Variants in AMN1 observed in about 807,000 individuals in gnomAD.
AMN1 encodes the protein antagonist of mitotic exit network 1 homolog.
A neutral mutation model predicts 33.0 loss-of-function variants in AMN1; 20 were observed. The observed-to-expected ratio is 0.61, with a 90% CI of 0.43 to 0.88. AMN1 has a LOEUF of 0.88. AMN1 is among the 40% of genes least tolerant of loss of function. The pLI is 0.00. For missense variants in AMN1, 246 were observed against 307.4 expected, an observed-to-expected ratio of 0.80 and a Z score of 1.49; for synonymous variants, 114 against 111.9, an observed-to-expected ratio of 1.02 and a Z score of -0.12.
chr12:31,697,423 C>G lies in AMN1; in HGVS notation c.535-6G>C, dbSNP rs1216281945. The G allele has an allele frequency of 6.2e-7, 1 of 1,611,756 alleles. No individual in the cohort carries two copies. The highest frequency in any genetic ancestry group is 8.5e-7 in the Non-Finnish European group (1 of 1,178,986). Reference sequence around the variant, plus strand: ...ATCACACCACTGTCAGATACCTAAGCAAAGGGAAAAAGAAACACAGTCCAT... The same window carrying G: ...ATCACACCACTGTCAGATACCTAAGGAAAGGGAAAAAGAAACACAGTCCAT... On this transcript the variant is annotated splice_region_variant and splice_polypyrimidine_tract_variant and intron_variant, in intron 4 of 6. Transcript: ENST00000281471.
intron 1 of AMN1, among the ~76,000 whole-genome samples, chr12:31,717,028 T>G (rs1361839990): frequency 6.6e-6 from 1 of 152,192 alleles, no homozygotes; most frequent in Non-Finnish European, 1.5e-5. Flanking sequence ...TTTTACATTT[T>G]TATTTAAGTT....
Position 31,707,658 on chromosome 12 carries a change from T to C in AMN1, c.171+1635A>G, listed in dbSNP as rs536399003. 2.9e-3 allele frequency among the ~76,000 whole-genome samples: 449 copies of C among 152,344 alleles called. 2 individuals carry two copies. The highest frequency in any genetic ancestry group is 8.3e-3 in the South Asian group (40 of 4,826). ...ACATATGAATTAAATAGTTAGGACA[T>C]GATTTCAGATGCCTCTGGAATCTGT... On this transcript the variant is annotated intron_variant, in intron 2 of 6. Transcript: ENST00000281471.
At chr12:31,688,101 C>T (rs1212916185) in intron 6 of AMN1, among the ~76,000 whole-genome samples, 4 of 152,052 alleles carry the variant, frequency 2.6e-5, no homozygotes, top group Admixed American at 2.6e-4. Flanking sequence ...ATTACAGGTG[C>T]GCACCACCAC....
At chr12:31,714,689 A>G (rs1017461287) in intron 1 of AMN1, 2 of 153,116 alleles carry the variant, frequency 1.3e-5, no homozygotes, top group Non-Finnish European at 2.9e-5. Flanking sequence ...AACATTTGAA[A>G]GAATATAGCA....
At chr12:31,707,987 G>C (rs117604746) in intron 2 of AMN1, among the ~76,000 whole-genome samples, 6 of 152,178 alleles carry the variant, frequency 3.9e-5, no homozygotes, top group Admixed American at 2.6e-4. Flanking sequence ...GAGGATGTAC[G>C]TCACCTCTGG....
Position 31,701,890 on chromosome 12 carries a change from C to T in AMN1, c.289G>A (p.Gly97Arg), listed in dbSNP as rs1939019589. The T allele has an allele frequency of 1.2e-6, 2 of 1,606,168 alleles. No individual in the cohort carries two copies. The highest frequency in any genetic ancestry group is 2.3e-5 in the South Asian group (2 of 88,786). The change falls in exon 3 of 7, where the codon GGG becomes AGG. Residue 97 changes from glycine (G) to arginine (R), a missense_variant. By Grantham distance (125) the Gly-to-Arg change is moderately radical. Coordinates refer to ENST00000281471, the MANE Select transcript of AMN1 (RefSeq NM_001113402.2). ...LKKLNLNASK[G>R]NRVSVTSEGI... ...TCTGAAGTTACAGAAACTCGGTTCC[C>T]TTTTGAAGCATTTAAATTTAATTTC...
intron 3 of AMN1, among the ~76,000 whole-genome samples, chr12:31,698,644 C>A (rs1938843145): frequency 6.6e-6 from 1 of 152,092 alleles, no homozygotes; most frequent in African/African-American, 2.4e-5. Flanking sequence ...CATGGTAGCA[C>A]TGTTAAAAGA....
At chr12:31,694,992 G>GT (rs1446944670) in intron 5 of AMN1, among the ~76,000 whole-genome samples, 1 of 152,090 alleles carries the variant, frequency 6.6e-6, no homozygotes, top group Non-Finnish European at 1.5e-5. Context: ...ACCCTACTTT[G>GT]TTTAAGTAAG....
upstream of AMN1, chr12:31,729,157 G>T: frequency 2.4e-6 from 2 of 842,264 alleles, no homozygotes. Flanking sequence ...CCACGCTTCG[G>T]ACTCCACAAG....
chr12:31,722,436 C>A (rs112783684), intron 1 of AMN1, among the ~76,000 whole-genome samples: 1 of 152,060 alleles, frequency 6.6e-6, no homozygotes, highest in Non-Finnish European at 1.5e-5. Context: ...AGAAGTAAAA[C>A]GGACTTTTAA....
At chr12:31,675,500 CTT>C (rs766169147) in intron 6 of AMN1, among the ~76,000 whole-genome samples, 15 of 143,340 alleles carry the variant, frequency 1.0e-4, no homozygotes, top group Non-Finnish European at 7.7e-5. Flanking sequence ...GATATCCACA[CTT>C]TTTTTTTTTT....
At chr12:31,692,723 T>C (rs182099800) in intron 5 of AMN1, among the ~76,000 whole-genome samples, 7 of 152,042 alleles carry the variant, frequency 4.6e-5, no homozygotes, top group Admixed American at 4.6e-4. Context: ...TTACCAACAA[T>C]AAAAAACAAG....
At chr12:31,720,732 T>A (rs1317891696) in intron 1 of AMN1, among the ~76,000 whole-genome samples, 1 of 152,238 alleles carries the variant, frequency 6.6e-6, no homozygotes, top group Admixed American at 6.5e-5. Context: ...CATTGTAGTA[T>A]GTATCAGTAT....
chr12:31,689,240 T>C lies in AMN1; in HGVS notation c.592-122A>G, dbSNP rs534242940. 15 of 679,090 alleles carry C rather than the reference T, an allele frequency of 2.2e-5. No individual in the cohort carries two copies. In the Admixed American group the frequency reaches 3.5e-4, roughly 16 times the overall value. 42.1% of individuals were successfully genotyped at this position (679,090 alleles called of 1,614,324 possible). Reference sequence around the variant, plus strand: ...GATATCTACTTGCAAAAAAAAAGTATATAGAAAAGACCAATATAAGTCTGA... The same window carrying C: ...GATATCTACTTGCAAAAAAAAAGTACATAGAAAAGACCAATATAAGTCTGA... On this transcript the variant is annotated intron_variant, in intron 5 of 6. Transcript: ENST00000281471.
intron 6 of AMN1, among the ~76,000 whole-genome samples, chr12:31,686,487 C>T (rs1049483950): frequency 6.6e-6 from 1 of 152,056 alleles, no homozygotes; most frequent in Non-Finnish European, 1.5e-5. Context: ...CTTCTCTCTA[C>T]AGATGCTTCT....
intron 6 of AMN1, among the ~76,000 whole-genome samples, chr12:31,677,707 G>A (rs906005594): frequency 6.6e-6 from 1 of 152,134 alleles, no homozygotes; most frequent in Non-Finnish European, 1.5e-5. Flanking sequence ...CAAGGTCTCT[G>A]ACCTTCTCCT....
At chr12:31,676,840 G>T (rs1001440140) in intron 6 of AMN1, among the ~76,000 whole-genome samples, 8 of 151,756 alleles carry the variant, frequency 5.3e-5, no homozygotes, top group African/African-American at 1.9e-4. Flanking sequence ...ATGCCAGATG[G>T]CAGTGTTATA....
chr12:31,700,828 T>A (rs1224901687), intron 3 of AMN1, among the ~76,000 whole-genome samples: 1 of 151,590 alleles, frequency 6.6e-6, no homozygotes, highest in African/African-American at 2.4e-5. Flanking sequence ...TAGCTGGGAC[T>A]ACAGGCACGT....
chr12:31,727,649 T>C (rs1940130676), intron 1 of AMN1, among the ~76,000 whole-genome samples: 1 of 152,238 alleles, frequency 6.6e-6, no homozygotes. Flanking sequence ...TTGACAAAGC[T>C]TTCTCCTATT....
Sources: allele counts gnomAD v4.1 joint callset (sites outside exome capture counted in the v4.1 genomes callset), GRCh38; gene constraint gnomAD v4.1.1; transcripts MANE v1.5; gene names NCBI Gene and HGNC (gene_info 2026-07-23, HGNC 2026-07-21).